The following KCTD2 variants were observed in gnomAD, a reference collection of about 807,000 sequenced individuals.
The protein encoded by KCTD2 is potassium channel tetramerization domain containing 2.
Under a neutral mutation model 27.9 loss-of-function variants are expected in KCTD2, and 18 were observed. That is an observed-to-expected ratio of 0.64 (90% CI 0.45 to 0.96). The LOEUF (loss-of-function observed/expected upper bound fraction) is 0.96. Among genes scored for constraint, KCTD2 ranks in the 40% least tolerant of loss-of-function variants. The pLI, the probability that KCTD2 is intolerant of heterozygous loss-of-function variation, is 0.00. For missense variants in KCTD2, 280 were observed against 348.0 expected (o/e 0.80, Z 1.56); for synonymous variants, 175 against 148.4 (o/e 1.18, Z -1.30).
intron 1 of KCTD2, 125 bp downstream of exon 1, chr17:75,047,714 C>G: frequency 1.1e-6 from 1 of 886,078 alleles, no homozygotes; most frequent in Non-Finnish European, 1.7e-6. Flanking sequence ...CCATCCTCCC[C>G]CTCCCTCCCA....
chr17:75,047,381 A>C lies in KCTD2; in HGVS notation c.131A>C (p.His44Pro). 1 of 1,133,938 alleles carries C rather than the reference A, an allele frequency of 8.8e-7. No individual in the cohort carries two copies. The highest frequency in any genetic ancestry group is 1.1e-6 in the Non-Finnish European group (1 of 926,546). The allele number at this position is 1,133,938 out of a possible 1,614,324, so 70.2% of individuals were successfully genotyped here. The change falls in exon 1 of 6, where the codon CAC becomes CCC. Residue 44 changes from histidine to proline, a missense_variant. Physicochemically the swap from His to Pro is moderately conservative, Grantham distance 77. Coordinates refer to ENST00000322444, the MANE Select transcript of KCTD2 (RefSeq NM_015353.3). The part of the protein sequence containing the change: ...PRPAGPTPRG[H>P]GRPAAAVAQP... ...CCGGCTGGCCCCACGCCCCGCGGGC[A>C]CGGCCGCCCGGCTGCCGCCGTCGCG... is the stretch of plus-strand genomic sequence containing the variant.
chr17:75,045,070 G>T (rs1475823248), upstream of KCTD2, among the ~76,000 whole-genome samples: 2 of 152,190 alleles, frequency 1.3e-5, no homozygotes, highest in Non-Finnish European at 2.9e-5. Context: ...TGGCTTGACA[G>T]AGTACAAAAG....
chr17:75,062,920 G>A, intron 5 of KCTD2, 98 bp from the exon 6 acceptor site: 1 of 1,298,326 alleles, frequency 7.7e-7, no homozygotes, highest in South Asian at 1.2e-5. Flanking sequence ...GGGATGACAG[G>A]ACCATCATGC....
intron 1 of KCTD2, among the ~76,000 whole-genome samples, chr17:75,033,693 T>C (rs1009264622): frequency 6.6e-6 from 1 of 152,188 alleles, no homozygotes; most frequent in Non-Finnish European, 1.5e-5. Flanking sequence ...CGGGGCTCCA[T>C]GGGGCGTCCC....
At position 75,039,119 on chromosome 17, in the gene KCTD2, T is replaced by C. The variant is rs2073132052; in HGVS notation, c.-259+3762T>C. The stretch of plus-strand genomic sequence containing the variant: ...GTAAACAGAGACGGAAAGCAGAATA[T>C]CCAAGGCAGGTTCCTGCCACCAGGT... On this transcript the variant is annotated intron_variant, in intron 3 of 7. Coordinates refer to the KCTD2 transcript ENST00000581589. The C allele has an allele frequency of 2.5e-6, 4 of 1,612,166 alleles. No homozygotes were observed. The African/African-American group carries it at 4.0e-5, about 16-fold the overall frequency.
intron 3 of KCTD2, among the ~76,000 whole-genome samples, chr17:75,058,395 T>C (rs2073370581): frequency 2.0e-5 from 3 of 151,472 alleles, no homozygotes; most frequent in Admixed American, 2.0e-4. Context: ...TCCCAGCTAC[T>C]CGGGAGGCTG....
chr17:75,038,872 A>G lies in KCTD2; in HGVS notation c.-259+3515A>G, dbSNP rs1006673011. On this transcript the variant is annotated intron_variant, in intron 3 of 7. Coordinates refer to the KCTD2 transcript ENST00000581589. ...GAAGCACACCCAGAACTGTATAATT[A>G]TTATTTTTAATGTCCAGAATGTGTA... The G allele has an allele frequency of 2.6e-6, 4 of 1,541,664 alleles. No individual in the cohort carries two copies. The Admixed American group carries it at 5.9e-5, about 23-fold the overall frequency.
chr17:75,060,622 T>C, intron 4 of KCTD2: 3 of 1,589,252 alleles, frequency 1.9e-6, no homozygotes, highest in South Asian at 2.3e-5. Flanking sequence ...GCCAGGTTCA[T>C]GGCTGGGCGC....
chr17:75,042,000 C>G, intron 3 of KCTD2: 1 of 560,278 alleles, frequency 1.8e-6, no homozygotes. Context: ...GCTGAATGAA[C>G]AGAGCCTAAA....
At chr17:75,038,518 T>C (rs1400701742) in intron 3 of KCTD2, among the ~76,000 whole-genome samples, 1 of 152,242 alleles carries the variant, frequency 6.6e-6, no homozygotes, top group Non-Finnish European at 1.5e-5. Flanking sequence ...CTGTTACACC[T>C]AGCCATTTGG....
At position 75,062,159 on chromosome 17, in the gene KCTD2, G is replaced by A. The variant is rs1172996090; in HGVS notation, c.676G>A (p.Asp226Asn). 1 of 1,614,038 alleles carries A rather than the reference G, an allele frequency of 6.2e-7. No individual in the cohort carries two copies. Among genetic ancestry groups the A allele is most frequent in the South Asian group, 1.1e-5 (1 of 91,052 alleles). The change falls in exon 5 of 6, where the codon GAT (aspartate) becomes AAT (asparagine). Residue 226 changes from aspartate (D) to asparagine (N), a missense_variant. By Grantham distance (23) the Asp-to-Asn change is conservative. Transcript: ENST00000322444. ...IGSSYNYGNE[D>N]QAEFLCVVSR... ...ATCTTCCTATAACTACGGCAATGAG[G>A]ATCAGGCAGAATTCCTCTGTGTTGT...
At chr17:75,038,869 A>G in intron 3 of KCTD2, 3 of 1,535,950 alleles carry the variant, frequency 2.0e-6, no homozygotes, top group Non-Finnish European at 2.6e-6. Flanking sequence ...GAACTGTATA[A>G]TTATTATTTT....
intron 5 of KCTD2, among the ~76,000 whole-genome samples, chr17:75,062,741 CACAG>C (rs1440748653): frequency 4.0e-5 from 6 of 149,948 alleles, no homozygotes; most frequent in Non-Finnish European, 5.9e-5. Flanking sequence ...CACACACACA[CACAG>C]CTTCTAAATC....
rs191193797 is a variant in KCTD2, at chr17:75,036,791, G to A, written c.-259+1434G>A. The stretch of plus-strand genomic sequence containing the variant: ...GTGCCAGTTCAGTGACTGCAGTCTC[G>A]CAGGGGAAGGGTGTGGTACTTCTGT... On this transcript the variant is annotated intron_variant, in intron 3 of 7. Coordinates refer to the KCTD2 transcript ENST00000581589. 3.2e-4 allele frequency among the ~76,000 whole-genome samples: 49 copies of A among 152,336 alleles called. No homozygotes were observed. The East Asian group carries it at 8.9e-3, about 28-fold the overall frequency.
intron 3 of KCTD2, chr17:75,042,139 G>A: frequency 6.5e-7 from 1 of 1,538,428 alleles, no homozygotes; most frequent in Non-Finnish European, 8.9e-7. Context: ...CCTACCCACA[G>A]GCATGTTACA....
intron 3 of KCTD2, among the ~76,000 whole-genome samples, chr17:75,038,246 T>C (rs2073122528): frequency 6.6e-6 from 1 of 151,852 alleles, no homozygotes; most frequent in Admixed American, 6.6e-5. Flanking sequence ...GAGGCCAAGA[T>C]GCCTCAGCCT....
upstream of KCTD2, among the ~76,000 whole-genome samples, chr17:75,045,562 A>G (rs1025367540): frequency 2.3e-4 from 35 of 152,246 alleles, no homozygotes; most frequent in Middle Eastern, 3.2e-3. Flanking sequence ...GGGATATCCC[A>G]TGCTGAGAAA....
chr17:75,034,760 C>A (rs933575321), intron 2 of KCTD2, among the ~76,000 whole-genome samples: 1 of 151,962 alleles, frequency 6.6e-6, no homozygotes. Flanking sequence ...TGGAGCATAG[C>A]TGGGAGGAAT....
At chr17:75,036,374 G>GA (rs1234021222) in intron 3 of KCTD2, among the ~76,000 whole-genome samples, 4 of 151,636 alleles carry the variant, frequency 2.6e-5, no homozygotes, top group Non-Finnish European at 4.4e-5. Flanking sequence ...GCTCACCTCG[G>GA]CCTCCCGAAG....
Sources: gnomAD v4.1 joint callset for allele counts (sites outside exome capture counted in the v4.1 genomes callset) on GRCh38, gnomAD v4.1.1 for gene constraint, MANE v1.5 for transcripts, NCBI Gene and HGNC (gene_info 2026-07-23, HGNC 2026-07-21) for gene names.